Variants in ZDHHC15 observed in about 807,000 individuals in gnomAD.
The protein encoded by ZDHHC15 is zDHHC palmitoyltransferase 15.
In ZDHHC15, 19 loss-of-function variants were observed where a neutral mutation model predicts 31.7. The ratio of observed to expected loss-of-function variants is 0.60; its 90% confidence interval spans 0.42 to 0.88. ZDHHC15 has a LOEUF of 0.88. Among genes scored for constraint, ZDHHC15 ranks in the 40% least tolerant of loss-of-function variants. ZDHHC15 has a pLI of 0.00. For synonymous variants in ZDHHC15, 103 were observed against 90.0 expected, an observed-to-expected ratio of 1.14 and a Z score of -0.82; for missense variants, 209 against 251.2, an observed-to-expected ratio of 0.83 and a Z score of 1.14.
chrX:75,513,250 G>C (rs1034983120), intron 1 of ZDHHC15, among the ~76,000 whole-genome samples: 1 of 111,793 alleles, frequency 8.9e-6, no homozygotes, highest in Admixed American at 9.5e-5. Flanking sequence ...TGTCTCTTCG[G>C]AAAATTTCTA....
Position 75,492,821 on chromosome X carries a change from A to C in ZDHHC15, c.163+13000T>G, listed in dbSNP as rs765185016. Among the ~76,000 whole-genome samples, 240 of 112,105 alleles carry C rather than the reference A, an allele frequency of 2.1e-3. 1 individual carries two copies. The highest frequency in any genetic ancestry group is 7.7e-3 in the African/African-American group (238 of 30,832). On this transcript the variant is annotated intron_variant, in intron 2 of 11. Transcript: ENST00000373367. The stretch of plus-strand genomic sequence containing the variant: ...ATTTCTAGCACTAAATGCCCACAAG[A>C]GAAAGCAGGAAAGATATAAAATTGA...
At chrX:75,385,891 T>C (rs1301882812) in intron 10 of ZDHHC15, among the ~76,000 whole-genome samples, 7 of 111,733 alleles carry the variant, frequency 6.3e-5, no homozygotes, top group Non-Finnish European at 1.3e-4. Flanking sequence ...TATCCTGTAT[T>C]GTGTTCTGTT....
intron 11 of ZDHHC15, among the ~76,000 whole-genome samples, chrX:75,373,968 A>C (rs2083030707): frequency 1.2e-5 from 1 of 80,962 alleles, no homozygotes; most frequent in Non-Finnish European, 2.2e-5. Flanking sequence ...AACAATCCCC[A>C]ATTCCCCTCC....
intron 2 of ZDHHC15, among the ~76,000 whole-genome samples, chrX:75,492,370 A>C (rs145823450): frequency 1.2e-3 from 129 of 111,035 alleles, no homozygotes; most frequent in African/African-American, 3.8e-3. Flanking sequence ...TAGACAGATC[A>C]ACGAGACAGA....
intron 10 of ZDHHC15, among the ~76,000 whole-genome samples, chrX:75,388,240 T>C (rs2083200865): frequency 8.9e-6 from 1 of 112,391 alleles, no homozygotes; most frequent in Admixed American, 9.4e-5. Flanking sequence ...TTTGAAGGTA[T>C]ACAATCCACT....
chrX:75,386,601 G>T (rs1178634451), intron 10 of ZDHHC15, among the ~76,000 whole-genome samples: 1 of 110,109 alleles, frequency 9.1e-6, no homozygotes, highest in Non-Finnish European at 1.9e-5. Flanking sequence ...TCAGCCTCCT[G>T]AGTAGCTGGG....
At chrX:75,477,203 G>A (rs1404442714) in intron 3 of ZDHHC15, among the ~76,000 whole-genome samples, 2 of 107,128 alleles carry the variant, frequency 1.9e-5, no homozygotes, top group Non-Finnish European at 3.9e-5. Flanking sequence ...ATTGATTTGT[G>A]GTTTCATTCC....
chrX:75,492,286 C>T (rs1222736764), intron 2 of ZDHHC15, among the ~76,000 whole-genome samples: 1 of 111,229 alleles, frequency 9.0e-6, no homozygotes, highest in African/African-American at 3.3e-5. Flanking sequence ...TGAAGCAAGT[C>T]CTGAGTGACC....
intron 3 of ZDHHC15, among the ~76,000 whole-genome samples, chrX:75,478,649 G>C (rs1212730269): frequency 9.0e-6 from 1 of 111,530 alleles, no homozygotes; most frequent in African/African-American, 3.3e-5. Flanking sequence ...AAATTGTTGG[G>C]AATACAGGTG....
chrX:75,456,084 CAA>C (rs1432455319), intron 3 of ZDHHC15, among the ~76,000 whole-genome samples: 1 of 111,636 alleles, frequency 9.0e-6, no homozygotes, highest in Non-Finnish European at 1.9e-5. Flanking sequence ...TTCACAATAG[CAA>C]AGACTTGGAA....
chrX:75,444,679 T>G (rs866341508), intron 4 of ZDHHC15, among the ~76,000 whole-genome samples: 1 of 45,041 alleles, frequency 2.2e-5, no homozygotes, highest in Non-Finnish European at 4.5e-5. Flanking sequence ...TATATATATA[T>G]ATATATATAC....
intron 1 of ZDHHC15, among the ~76,000 whole-genome samples, chrX:75,507,829 T>G (rs2085192186): frequency 8.9e-6 from 1 of 111,804 alleles, no homozygotes; most frequent in African/African-American, 3.2e-5. Flanking sequence ...GGATGGTATA[T>G]ATGGAATAGT....
At chrX:75,382,933 A>G (rs1319652433) in intron 10 of ZDHHC15, among the ~76,000 whole-genome samples, 3 of 112,050 alleles carry the variant, frequency 2.7e-5, no homozygotes, top group Non-Finnish European at 5.6e-5. Flanking sequence ...CATTGAACTT[A>G]GTGGCAGAGG....
intron 10 of ZDHHC15, among the ~76,000 whole-genome samples, chrX:75,404,280 G>A (rs1296033792): frequency 8.9e-6 from 1 of 111,986 alleles, no homozygotes; most frequent in Non-Finnish European, 1.9e-5. Flanking sequence ...AACCCAGGAA[G>A]ACAATCTAAG....
At chrX:75,472,823 C>T (rs769231272) in intron 3 of ZDHHC15, among the ~76,000 whole-genome samples, 1 of 112,134 alleles carries the variant, frequency 8.9e-6, no homozygotes, top group Non-Finnish European at 1.9e-5. Context: ...ATGGCCACTG[C>T]TGAGTGCCCA....
chrX:75,503,148 T>C (rs1212299232), intron 2 of ZDHHC15, among the ~76,000 whole-genome samples: 1 of 110,014 alleles, frequency 9.1e-6, no homozygotes, highest in African/African-American at 3.3e-5. Context: ...AATTAAAAAA[T>C]AAAAAAAGAG....
intron 10 of ZDHHC15, among the ~76,000 whole-genome samples, chrX:75,412,145 G>T (rs773116991): frequency 8.9e-6 from 1 of 111,873 alleles, no homozygotes; most frequent in Non-Finnish European, 1.9e-5. Context: ...TGAGGATATG[G>T]AGAAAGGGAA....
At chrX:75,425,992 G>T (rs1205639491) in intron 7 of ZDHHC15, among the ~76,000 whole-genome samples, 2 of 111,496 alleles carry the variant, frequency 1.8e-5, no homozygotes, top group Admixed American at 9.6e-5. Flanking sequence ...GGGCAGAGCA[G>T]CCCAGCAAAG....
intron 10 of ZDHHC15, among the ~76,000 whole-genome samples, chrX:75,411,370 GC>G (rs2083483868): frequency 1.8e-5 from 2 of 110,940 alleles, no homozygotes; most frequent in Non-Finnish European, 3.8e-5. Flanking sequence ...CCACCGCCAC[GC>G]CCGGCTAATT....
Sources: gnomAD v4.1 joint callset for allele counts (sites outside exome capture counted in the v4.1 genomes callset) on GRCh38, gnomAD v4.1.1 for gene constraint, MANE v1.5 for transcripts, NCBI Gene and HGNC (gene_info 2026-07-23, HGNC 2026-07-21) for gene names.